Variants in BMPR1A observed in about 807,000 individuals in gnomAD.
BMPR1A encodes the protein bone morphogenetic protein receptor type 1A, also known as bone morphogenetic protein receptor type-1A.
BMPR1A carries 7 observed loss-of-function variants against 66.0 expected under a neutral mutation model. The ratio of observed to expected loss-of-function variants is 0.11; its 90% CI spans 0.06 to 0.20. The LOEUF is 0.20. Among genes scored for constraint, BMPR1A ranks in the 10% least tolerant of loss-of-function variants. The pLI, the probability that BMPR1A is intolerant of heterozygous loss-of-function variation, is 1.00. For missense variants in BMPR1A, 408 were observed against 669.1 expected (o/e 0.61, Z 4.31); for synonymous variants, 200 against 229.7 (o/e 0.87, Z 1.17).
intron 1 of BMPR1A, among the ~76,000 whole-genome samples, chr10:86,816,954 C>G (rs910518655): frequency 4.6e-5 from 7 of 152,204 alleles, no homozygotes; most frequent in South Asian, 2.1e-4. Context: ...TATCAGTGAT[C>G]TGTTTGCATA....
rs1060503394 is a variant in BMPR1A, at chr10:86,890,203, A to G, written c.209A>G (p.Asp70Gly). ...TATTGCTCAGGGCACTGTCCAGATGATGCTATTAATAACACATGCATGTAA... is the reference window on the plus strand; with the variant it reads ...TATTGCTCAGGGCACTGTCCAGATGGTGCTATTAATAACACATGCATGTAA... ...KCYCSGHCPD[D>G]AINNTCITNG... The change falls in exon 4 of 13, where the codon GAT (aspartate) becomes GGT (glycine). Residue 70 changes from aspartate (D) to glycine (G), a missense_variant. Asp to Gly is a moderately conservative substitution (Grantham distance 94, BLOSUM62 -1). Coordinates refer to ENST00000372037, the MANE Select transcript of BMPR1A (RefSeq NM_004329.3). The G allele has an allele frequency of 6.2e-7, 1 of 1,614,168 alleles. No homozygotes were observed. Among genetic ancestry groups the G allele is most frequent in the Non-Finnish European group, 8.5e-7 (1 of 1,180,002 alleles).
chr10:86,782,930 C>A (rs1270161408), intron 1 of BMPR1A, among the ~76,000 whole-genome samples: 1 of 152,142 alleles, frequency 6.6e-6, no homozygotes, highest in African/African-American at 2.4e-5. Context: ...TTTTGTTTTG[C>A]AGCCAAGAAA....
At chr10:86,931,528 A>G (rs975718159), downstream of BMPR1A, 1 of 151,622 alleles carries the variant, frequency 6.6e-6, no homozygotes, top group Non-Finnish European at 1.5e-5. Flanking sequence ...TTCAAAAGCA[A>G]TTTTTATTAC....
At chr10:86,832,580 A>G (rs1275439734) in intron 1 of BMPR1A, among the ~76,000 whole-genome samples, 1 of 152,012 alleles carries the variant, frequency 6.6e-6, no homozygotes, top group Non-Finnish European at 1.5e-5. Flanking sequence ...TCCCACAATC[A>G]CTGCCTTCTA....
rs757817530 is a variant in BMPR1A at position 86,923,526 on chromosome 10, C to G, written c.1473+20C>G. ...GATGAAGTGAGTGGAACTCAGTCCC[C>G]TGAAGAAGTGATTCGTAAATGCCAC... On this transcript the variant is annotated intron_variant, in intron 12 of 12. Coordinates refer to ENST00000372037, the MANE Select transcript of BMPR1A (RefSeq NM_004329.3). 3.1e-6 allele frequency: 5 copies of G among 1,614,200 alleles called. No individual in the cohort carries two copies. In the South Asian group the frequency reaches 5.5e-5, roughly 18 times the overall value.
At chr10:86,798,736 C>T (rs762412451) in intron 1 of BMPR1A, among the ~76,000 whole-genome samples, 14 of 152,204 alleles carry the variant, frequency 9.2e-5, no homozygotes, top group Non-Finnish European at 1.6e-4. Context: ...TTTACTTAAA[C>T]ACCTTGGTGA....
chr10:86,902,275 G>T (rs1355237772), intron 7 of BMPR1A, among the ~76,000 whole-genome samples: 2 of 151,976 alleles, frequency 1.3e-5, no homozygotes, highest in Non-Finnish European at 2.9e-5. Flanking sequence ...TTTTTCCATT[G>T]AATTGCATAG....
At chr10:86,766,422 G>A (rs1001936083) in intron 1 of BMPR1A, among the ~76,000 whole-genome samples, 2 of 151,992 alleles carry the variant, frequency 1.3e-5, no homozygotes, top group Admixed American at 1.3e-4. Flanking sequence ...TTGCAAATAT[G>A]CTGTGGTGTT....
chr10:86,801,759 G>A (rs977210964), intron 1 of BMPR1A, among the ~76,000 whole-genome samples: 1 of 151,910 alleles, frequency 6.6e-6, no homozygotes, highest in African/African-American at 2.4e-5. Context: ...TGTCTCCCAG[G>A]CTGGAGTGCA....
downstream of BMPR1A, chr10:86,932,273 G>A (rs1433174447): frequency 2.6e-5 from 4 of 152,108 alleles, no homozygotes; most frequent in Admixed American, 2.0e-4. Context: ...AACCAATTAT[G>A]TACAATTATC....
chr10:86,863,562 T>G (rs1468980262), intron 2 of BMPR1A, among the ~76,000 whole-genome samples: 1 of 152,212 alleles, frequency 6.6e-6, no homozygotes, highest in Non-Finnish European at 1.5e-5. Context: ...CAAGGTTGCT[T>G]GAGTGGCTCA....
chr10:86,783,000 A>G (rs1377527558), intron 1 of BMPR1A, among the ~76,000 whole-genome samples: 1 of 152,106 alleles, frequency 6.6e-6, no homozygotes, highest in African/African-American at 2.4e-5. Context: ...TTATGGTTTC[A>G]GGTCTTATGT....
At chr10:86,910,314 G>T (rs1369535602) in intron 7 of BMPR1A, among the ~76,000 whole-genome samples, 1 of 152,134 alleles carries the variant, frequency 6.6e-6, no homozygotes, top group Admixed American at 6.5e-5. Context: ...CTCCAGCCTG[G>T]AGGACAGAGT....
chr10:86,866,410 T>TC (rs1227898234), intron 2 of BMPR1A, among the ~76,000 whole-genome samples: 2,321 of 114,846 alleles, frequency 0.02, 116 homozygotes, highest in African/African-American at 0.086. Context: ...TTTTTTTTTT[T>TC]TTTTTTTTTT....
intron 1 of BMPR1A, among the ~76,000 whole-genome samples, chr10:86,800,337 GAGTGATAGT>G (rs1270688676): frequency 6.6e-6 from 1 of 152,126 alleles, no homozygotes; most frequent in Admixed American, 6.5e-5. Flanking sequence ...GCCGAGGGGG[GAGTGATAGT>G]CTCATGTTCC....
At chr10:86,814,615 T>G (rs1842009386) in intron 1 of BMPR1A, among the ~76,000 whole-genome samples, 1 of 152,178 alleles carries the variant, frequency 6.6e-6, no homozygotes, top group African/African-American at 2.4e-5. Flanking sequence ...GTTCTGATGT[T>G]GTTTTTCATG....
chr10:86,800,994 T>C (rs1362340824), intron 1 of BMPR1A, among the ~76,000 whole-genome samples: 1 of 152,244 alleles, frequency 6.6e-6, no homozygotes, highest in Non-Finnish European at 1.5e-5. Context: ...AAACTTTGTA[T>C]GTTTTGCATG....
intron 5 of BMPR1A, among the ~76,000 whole-genome samples, chr10:86,894,017 T>A (rs1303559460): frequency 6.6e-6 from 1 of 152,242 alleles, no homozygotes; most frequent in Non-Finnish European, 1.5e-5. Flanking sequence ...TGAAAATAAT[T>A]GTCCATAATG....
Position 86,919,681 on chromosome 10 carries a change from G to GT in BMPR1A, c.1166+221dup, listed in dbSNP as rs796312915. Among the ~76,000 whole-genome samples, 773 of 147,582 alleles carry GT rather than the reference G, an allele frequency of 5.2e-3. 6 individuals are homozygous for GT. Among genetic ancestry groups the GT allele is most frequent in the African/African-American group, 0.018 (695 of 39,340 alleles). On this transcript the variant is annotated intron_variant, in intron 10 of 12. Transcript: ENST00000372037. ...CTTGATATATATATATTTTTTTGGT[G>GT]TTTTTTTTTGTTTGTTTTTTGTTTT...
Sources: gnomAD v4.1 joint callset for allele counts (sites outside exome capture counted in the v4.1 genomes callset) on GRCh38, gnomAD v4.1.1 for gene constraint, MANE v1.5 for transcripts, NCBI Gene and HGNC (gene_info 2026-07-23, HGNC 2026-07-21) for gene names.